CELF2: variants seen among roughly 807,000 people sequenced by gnomAD.
The protein encoded by CELF2 is CUGBP Elav-like family member 2, also known as CUG triplet repeat RNA-binding protein 2.
In CELF2, 8 loss-of-function variants were observed where a neutral mutation model predicts 62.6. The ratio of observed to expected loss-of-function variants is 0.13; its 90% CI spans 0.07 to 0.23. The LOEUF is 0.23. Among genes scored for constraint, CELF2 ranks in the 10% least tolerant of loss-of-function variants. The pLI is 1.00. For missense variants in CELF2, 333 were observed against 671.0 expected, an observed-to-expected ratio of 0.50 and a Z score of 5.56; for synonymous variants, 258 against 250.0, an observed-to-expected ratio of 1.03 and a Z score of -0.30.
intron 3 of CELF2, among the ~76,000 whole-genome samples, chr10:11,239,623 T>A (rs1327368569): frequency 6.6e-6 from 1 of 152,240 alleles, no homozygotes; most frequent in African/African-American, 2.4e-5. Context: ...TTATTTCCAC[T>A]GTAGTTTTTT....
At chr10:10,696,241 G>C in the CELF2 span, among the ~76,000 whole-genome samples, 22 of 151,910 alleles carry the variant, frequency 1.4e-4, no homozygotes, top group African/African-American at 2.4e-4. Context: ...CTCAGCTGGA[G>C]GTCTGTTGGA....
chr10:10,586,101 C>T, the CELF2 span, among the ~76,000 whole-genome samples: 1 of 152,196 alleles, frequency 6.6e-6, no homozygotes, highest in Non-Finnish European at 1.5e-5. Context: ...TGCTTTCAAG[C>T]TGCACCACTG....
At chr10:11,000,670 T>G (rs980780499), upstream of CELF2, among the ~76,000 whole-genome samples, 1 of 152,198 alleles carries the variant, frequency 6.6e-6, no homozygotes, top group African/African-American at 2.4e-5. Flanking sequence ...TGAAAGCAAC[T>G]CATATGAACA....
intron 2 of CELF2, among the ~76,000 whole-genome samples, chr10:10,982,233 G>T (rs932593035): frequency 6.6e-6 from 1 of 151,952 alleles, no homozygotes; most frequent in African/African-American, 2.4e-5. Flanking sequence ...GGGATTACAG[G>T]TGTGAGCCAC....
At chr10:11,229,030 C>T (rs532854118) in intron 3 of CELF2, among the ~76,000 whole-genome samples, 2 of 152,282 alleles carry the variant, frequency 1.3e-5, no homozygotes, top group South Asian at 4.1e-4. Context: ...CCTAGAAGCA[C>T]GTCCTGTCCA....
At chr10:10,646,348 T>G in the CELF2 span, among the ~76,000 whole-genome samples, 1 of 152,162 alleles carries the variant, frequency 6.6e-6, no homozygotes, top group Non-Finnish European at 1.5e-5. Context: ...AATCAACAAA[T>G]CCATTTCAAC....
At chr10:10,536,253 T>C in the CELF2 span, among the ~76,000 whole-genome samples, 1 of 152,120 alleles carries the variant, frequency 6.6e-6, no homozygotes, top group African/African-American at 2.4e-5. Context: ...CTCCTGACCT[T>C]GTGATCTGCC....
the CELF2 span, among the ~76,000 whole-genome samples, chr10:10,487,152 TG>T: frequency 6.6e-6 from 1 of 152,214 alleles, no homozygotes; most frequent in East Asian, 1.9e-4. Flanking sequence ...ATGGGGATGC[TG>T]CAATGTCTTC....
At position 11,214,848 on chromosome 10, in the gene CELF2, G is replaced by C. The variant is rs188023860; in HGVS notation, c.272-2577G>C. ...ATAAGTGACTGACTTCACCGTACTA[G>C]TTGTAAAGGCAGAGTGGACCTTGGA... is the stretch of plus-strand genomic sequence containing the variant. On this transcript the variant is annotated intron_variant, in intron 2 of 12. Transcript: ENST00000633077. The surrounding 1 kb of genome is among the most constrained non-coding windows in gnomAD (Gnocchi z 4.2). Among the ~76,000 whole-genome samples, 382 of 152,350 alleles carry C rather than the reference G, an allele frequency of 2.5e-3. No individual in the cohort carries two copies. Among genetic ancestry groups the C allele is most frequent in the African/African-American group, 8.7e-3 (363 of 41,586 alleles).
intron 3 of CELF2, among the ~76,000 whole-genome samples, chr10:11,245,200 CT>C (rs2075244785): frequency 6.6e-6 from 1 of 152,186 alleles, no homozygotes. Flanking sequence ...AATGTCTACT[CT>C]TTTATAATAA....
rs1590760763 is a variant in CELF2 at position 11,288,366 on chromosome 10, C to T, written c.842-52C>T. 2.5e-6 allele frequency: 4 copies of T among 1,602,180 alleles called. No homozygotes were observed. The East Asian group carries it at 8.9e-5, about 36-fold the overall frequency. On this transcript the variant is annotated intron_variant, in intron 8 of 12. Transcript: ENST00000633077. The stretch of plus-strand genomic sequence containing the variant: ...TGATGAGCCTGCTCTTGTTTGGAAA[C>T]TGTAGAAGTGTGAGGCCTGTTGCTG...
chr10:10,864,998 T>A (rs919469162), intron 1 of CELF2, among the ~76,000 whole-genome samples: 1 of 152,230 alleles, frequency 6.6e-6, no homozygotes, highest in Non-Finnish European at 1.5e-5. Context: ...GTGGTGTTGT[T>A]TGGATGCAGC....
intron 1 of CELF2, among the ~76,000 whole-genome samples, chr10:11,080,799 G>A (rs998176127): frequency 9.2e-5 from 14 of 152,228 alleles, no homozygotes; most frequent in African/African-American, 3.4e-4. Flanking sequence ...TTAAATTTCA[G>A]TCAAAGTCCT....
At chr10:11,210,930 TA>T (rs138157947) in intron 2 of CELF2, among the ~76,000 whole-genome samples, 14,827 of 152,242 alleles carry the variant, frequency 0.097, 860 homozygotes, top group Middle Eastern at 0.16. Flanking sequence ...TATGTGTCAA[TA>T]AAAAACAAAA....
intron 5 of CELF2, among the ~76,000 whole-genome samples, chr10:11,264,069 T>C (rs1267668421): frequency 6.6e-6 from 1 of 152,198 alleles, no homozygotes; most frequent in African/African-American, 2.4e-5. Flanking sequence ...GCCAATAGAA[T>C]TAAAAGGTTA....
chr10:10,495,663 C>T, the CELF2 span, among the ~76,000 whole-genome samples: 9 of 152,198 alleles, frequency 5.9e-5, no homozygotes, highest in Non-Finnish European at 1.0e-4. Flanking sequence ...AAATAGTTAC[C>T]TGCTGCCATC....
the CELF2 span, among the ~76,000 whole-genome samples, chr10:10,487,084 A>G: frequency 7.9e-4 from 121 of 152,300 alleles, no homozygotes; most frequent in African/African-American, 2.7e-3. Context: ...ACAAGTAGAC[A>G]TGTTTCAGAA....
At chr10:11,009,496 G>A (rs1003047117) in intron 1 of CELF2, among the ~76,000 whole-genome samples, 2 of 152,248 alleles carry the variant, frequency 1.3e-5, no homozygotes, top group Non-Finnish European at 1.5e-5. Flanking sequence ...AGGTACAGGT[G>A]TGTTTATCTC....
chr10:10,600,550 A>T, the CELF2 span, among the ~76,000 whole-genome samples: 1 of 152,242 alleles, frequency 6.6e-6, no homozygotes, highest in Non-Finnish European at 1.5e-5. Flanking sequence ...GAGGAAGCAT[A>T]AAATCTGGGT....
Sources: gnomAD v4.1 joint callset for allele counts (sites outside exome capture counted in the v4.1 genomes callset) on GRCh38, gnomAD v4.1.1 for gene constraint, Gnocchi (gnomAD v3.1) non-coding constraint, MANE v1.5 for transcripts, NCBI Gene and HGNC (gene_info 2026-07-23, HGNC 2026-07-21) for gene names.